MACROD2: variants seen among roughly 807,000 people sequenced by gnomAD.
MACROD2 encodes mono-ADP ribosylhydrolase 2.
In MACROD2, 36 loss-of-function variants were observed where a neutral mutation model predicts 70.4. The observed-to-expected ratio is 0.51, with a 90% CI of 0.39 to 0.68. The LOEUF (loss-of-function observed/expected upper bound fraction) is 0.68. Ranked by LOEUF, MACROD2 falls within the 30% of genes least tolerant of loss-of-function variation. MACROD2 has a pLI of 0.00. For missense variants in MACROD2, 496 were observed against 538.4 expected (o/e 0.92, Z 0.78); for synonymous variants, 172 against 178.8 (o/e 0.96, Z 0.30).
At chr20:14,807,743 C>T (rs1415737306) in intron 5 of MACROD2, among the ~76,000 whole-genome samples, 1 of 152,008 alleles carries the variant, frequency 6.6e-6, no homozygotes, top group Non-Finnish European at 1.5e-5. Flanking sequence ...TAGAGAAGAA[C>T]ATAAATGACC....
chr20:15,053,876 G>A (rs1432337050), intron 5 of MACROD2, among the ~76,000 whole-genome samples: 1 of 152,180 alleles, frequency 6.6e-6, no homozygotes, highest in Non-Finnish European at 1.5e-5. Context: ...GTTTATGGGA[G>A]GAGGACAAAA....
intron 8 of MACROD2, among the ~76,000 whole-genome samples, chr20:15,638,201 A>C (rs1178283426): frequency 6.6e-6 from 1 of 152,172 alleles, no homozygotes; most frequent in South Asian, 2.1e-4. Context: ...TGCATTCCAC[A>C]TGGAAGCATG....
rs147098573 is a variant in MACROD2, at chr20:15,046,731, C to T, written c.419-183209C>T. Among the ~76,000 whole-genome samples, 1,054 of 152,274 alleles carry T rather than the reference C, an allele frequency of 6.9e-3. 10 individuals are homozygous for T. The highest frequency in any genetic ancestry group is 0.024 in the African/African-American group (1,011 of 41,536). On this transcript the variant is annotated intron_variant, in intron 5 of 17. Transcript: ENST00000684519. ...TCTTTTAATCCCAGGCTACAGTCCC[C>T]TCACTTCTGGACTATCACAACACCT... is the stretch of plus-strand genomic sequence containing the variant.
chr20:15,980,899 G>A (rs144553999), intron 13 of MACROD2, among the ~76,000 whole-genome samples: 137 of 152,288 alleles, frequency 9.0e-4, no homozygotes, highest in African/African-American at 2.9e-3. Context: ...GCTTGCAACC[G>A]TATGACTCTG....
chr20:15,334,954 G>A (rs983089339), intron 6 of MACROD2, among the ~76,000 whole-genome samples: 16 of 151,812 alleles, frequency 1.1e-4, no homozygotes, highest in East Asian at 1.9e-4. Context: ...GACAGTGGAC[G>A]CCAGAGTGTC....
At chr20:15,583,580 A>G (rs756931685) in intron 8 of MACROD2, among the ~76,000 whole-genome samples, 1 of 151,770 alleles carries the variant, frequency 6.6e-6, no homozygotes, top group African/African-American at 2.4e-5. Context: ...ATTCCTGAGA[A>G]CCCTAGGGCT....
chr20:14,657,190 A>G (rs373076570), intron 4 of MACROD2, among the ~76,000 whole-genome samples: 6 of 152,376 alleles, frequency 3.9e-5, no homozygotes, highest in African/African-American at 1.4e-4. Flanking sequence ...TTGATTCAAA[A>G]TCATTACAAA....
At chr20:14,761,142 A>G (rs1367673385) in intron 5 of MACROD2, among the ~76,000 whole-genome samples, 21 of 151,932 alleles carry the variant, frequency 1.4e-4, no homozygotes, top group Non-Finnish European at 2.9e-4. Context: ...GCTGCCCTCA[A>G]TACCATTTTG....
At chr20:14,536,929 ATAAT>A (rs1046317922) in intron 4 of MACROD2, among the ~76,000 whole-genome samples, 3 of 152,208 alleles carry the variant, frequency 2.0e-5, no homozygotes, top group Admixed American at 2.0e-4. Flanking sequence ...GAGTCAGATA[ATAAT>A]TAATGCCACA....
chr20:14,154,426 A>G (rs8118198), intron 3 of MACROD2, among the ~76,000 whole-genome samples: 6,378 of 145,014 alleles, frequency 0.044, 207 homozygotes, highest in African/African-American at 0.091. Context: ...TTGCTCTGTC[A>G]CCCAGGCTGG....
chr20:14,930,047 A>G (rs536920939), intron 5 of MACROD2, among the ~76,000 whole-genome samples: 2 of 151,508 alleles, frequency 1.3e-5, no homozygotes, highest in East Asian at 4.0e-4. Flanking sequence ...CTGTAGTCCC[A>G]GCTACTCATG....
At position 15,462,971 on chromosome 20, in the gene MACROD2, A is replaced by G. The variant is rs2046838471; in HGVS notation, c.571+31536A>G. Among the ~76,000 whole-genome samples the G allele has an allele frequency of 4.6e-5, 7 of 152,246 alleles. No homozygotes were observed. The South Asian group carries it at 1.4e-3, about 31-fold the overall frequency. On this transcript the variant is annotated intron_variant, in intron 7 of 17. Coordinates refer to ENST00000684519, the MANE Select transcript of MACROD2 (RefSeq NM_001351661.2). ...ATAAAAAGGCAACTATGAATTTGGT[A>G]ACGTTTAAAAAGTTATTTGCATTTT...
intron 16 of MACROD2, among the ~76,000 whole-genome samples, chr20:16,044,073 AT>A (rs1366045565): frequency 6.6e-6 from 1 of 152,052 alleles, no homozygotes; most frequent in Non-Finnish European, 1.5e-5. Flanking sequence ...GGTTTGTCTC[AT>A]GGTTCTGCAG....
At chr20:14,362,196 A>T (rs1797426286) in intron 3 of MACROD2, among the ~76,000 whole-genome samples, 1 of 152,186 alleles carries the variant, frequency 6.6e-6, no homozygotes, top group South Asian at 2.1e-4. Flanking sequence ...TAATAATAAT[A>T]ACTTACTACA....
chr20:14,656,439 C>T (rs1377435564), intron 4 of MACROD2, among the ~76,000 whole-genome samples: 1 of 152,172 alleles, frequency 6.6e-6, no homozygotes, highest in African/African-American at 2.4e-5. Flanking sequence ...TCCATGACAC[C>T]ATATAAAACA....
chr20:14,879,314 T>G, intron 5 of MACROD2, among the ~76,000 whole-genome samples: 1 of 152,148 alleles, frequency 6.6e-6, no homozygotes, highest in East Asian at 1.9e-4. Context: ...ATACCTAAAT[T>G]CTTTGGGTTA....
At chr20:15,573,159 T>A (rs1309722587) in intron 8 of MACROD2, among the ~76,000 whole-genome samples, 2 of 152,170 alleles carry the variant, frequency 1.3e-5, no homozygotes, top group Non-Finnish European at 1.5e-5. Flanking sequence ...GTCTCACTCA[T>A]GTTATATTTC....
intron 8 of MACROD2, among the ~76,000 whole-genome samples, chr20:15,604,868 C>T (rs1245302720): frequency 6.6e-6 from 1 of 152,186 alleles, no homozygotes; most frequent in East Asian, 1.9e-4. Flanking sequence ...AATTTCATAA[C>T]ACATTTCAAA....
chr20:15,048,508 GT>G (rs1190832630), intron 5 of MACROD2, among the ~76,000 whole-genome samples: 16 of 151,202 alleles, frequency 1.1e-4, no homozygotes, highest in Middle Eastern at 3.2e-3. Context: ...ACCTTACAGG[GT>G]TATTATAAAG....
Sources: gnomAD v4.1 joint callset for allele counts (sites outside exome capture counted in the v4.1 genomes callset) on GRCh38, gnomAD v4.1.1 for gene constraint, MANE v1.5 for transcripts, NCBI Gene and HGNC (gene_info 2026-07-23, HGNC 2026-07-21) for gene names.